Variants in COPG2 observed in about 807,000 individuals in gnomAD.
COPG2 encodes coatomer subunit gamma-2.
COPG2 carries 37 observed loss-of-function variants against 46.3 expected under a neutral mutation model. That is an observed-to-expected ratio of 0.80 (90% confidence interval 0.61 to 1.05). The LOEUF (loss-of-function observed/expected upper bound fraction) is 1.05, where lower values mean the gene tolerates loss of function less well. Among genes scored for constraint, COPG2 ranks in the 50% least tolerant of loss-of-function variants. The pLI is 0.00. For missense variants in COPG2, 427 were observed against 387.8 expected (o/e 1.10, Z -0.85); for synonymous variants, 159 against 129.7 (o/e 1.23, Z -1.53).
chr7:130,548,735 G>A (rs1293737064), intron 18 of COPG2, among the ~76,000 whole-genome samples, 193 bp from the exon 19 acceptor site: 1 of 152,088 alleles, frequency 6.6e-6, no homozygotes, highest in Non-Finnish European at 1.5e-5. Context: ...GGCTAACATG[G>A]TGAAACCCCG....
chr7:130,667,203 G>A (rs532022398), intron 2 of COPG2, among the ~76,000 whole-genome samples: 1 of 152,160 alleles, frequency 6.6e-6, no homozygotes, highest in Non-Finnish European at 1.5e-5. Context: ...AATACAATGA[G>A]ATTAATACAG....
chr7:130,522,032 CA>C (rs1205953346), intron 20 of COPG2, among the ~76,000 whole-genome samples: 5 of 152,040 alleles, frequency 3.3e-5, no homozygotes, highest in African/African-American at 9.7e-5. Context: ...TGAGCTGAGA[CA>C]GGGGAAAGGG....
At chr7:130,525,198 C>G (rs1304420481) in intron 20 of COPG2, among the ~76,000 whole-genome samples, 3 of 152,250 alleles carry the variant, frequency 2.0e-5, no homozygotes, top group South Asian at 4.1e-4. Flanking sequence ...CAGGAGACAA[C>G]CTCACAAATC....
At chr7:130,639,732 C>T (rs1390651849) in intron 5 of COPG2, among the ~76,000 whole-genome samples, 2 of 152,152 alleles carry the variant, frequency 1.3e-5, no homozygotes, top group Admixed American at 6.5e-5. Flanking sequence ...AGGAATAGTC[C>T]ATACATGTAG....
Position 130,552,365 on chromosome 7 carries a change from G to C in COPG2, c.1534C>G (p.Leu512Val), listed in dbSNP as rs1320738011. The change falls in exon 15 of 24, where the codon CTC (leucine) becomes GTC (valine). Residue 512 changes from leucine to valine, a missense_variant. Physicochemically the swap from Leu to Val is conservative, Grantham distance 32. Coordinates refer to ENST00000425248, the MANE Select transcript of COPG2 (RefSeq NM_012133.6). ...NESLLPSILV[L>V]LQRCMMDTDD... ...CATTATTTAACTTACCTCTGTAAGA[G>C]TACAAGGATGCTTGGGAGAAGACTC... The C allele has an allele frequency of 2.5e-6, 1 of 398,084 alleles. No homozygotes were observed. The highest frequency in any genetic ancestry group is 4.4e-5 in the Admixed American group (1 of 22,706). The allele number at this position is 398,084 out of a possible 1,614,324, so 24.7% of individuals were successfully genotyped here. A position where few individuals can be genotyped will look rare whatever the true frequency, so the allele number is the denominator to read the frequency against.
Position 130,617,013 on chromosome 7 carries a change from T to C in COPG2, c.376A>G (p.Arg126Gly). The change falls in exon 6 of 24, where the codon AGA (arginine) becomes GGA (glycine). Residue 126 changes from arginine to glycine, a missense_variant. By Grantham distance (125) the Arg-to-Gly change is moderately radical. Coordinates refer to ENST00000425248, the MANE Select transcript of COPG2 (RefSeq NM_012133.6). The stretch of plus-strand genomic sequence containing the variant: ...ACATCGGTGATCCTGCAGAGAGCTC[T>C]GATGGCCGGGCCTCGGTATACATCT... ...KEDVYRGPAI[R>G]ALCRITDGTM... The C allele has an allele frequency of 6.2e-7, 1 of 1,611,826 alleles. No individual in the cohort carries two copies. The highest frequency in any genetic ancestry group is 8.5e-7 in the Non-Finnish European group (1 of 1,178,388).
chr7:130,535,829 T>TG (rs1799874591), intron 20 of COPG2, among the ~76,000 whole-genome samples: 2 of 151,724 alleles, frequency 1.3e-5, no homozygotes, highest in Admixed American at 1.3e-4. Context: ...TTGAGGTTGA[T>TG]GAATACAGGC....
At chr7:130,576,791 A>G (rs1182563865) in intron 9 of COPG2, among the ~76,000 whole-genome samples, 1 of 152,220 alleles carries the variant, frequency 6.6e-6, no homozygotes, top group South Asian at 2.1e-4. Context: ...GAAACAAACA[A>G]ACAAACAAAA....
intron 9 of COPG2, among the ~76,000 whole-genome samples, chr7:130,572,380 T>C (rs980472096): frequency 2.0e-5 from 3 of 152,140 alleles, no homozygotes; most frequent in Non-Finnish European, 2.9e-5. Flanking sequence ...TAACTGATTA[T>C]AGAAAACATT....
chr7:130,517,182 G>T (rs1799686458), intron 20 of COPG2, among the ~76,000 whole-genome samples: 1 of 152,160 alleles, frequency 6.6e-6, no homozygotes, highest in South Asian at 2.1e-4. Flanking sequence ...TATTGACTGG[G>T]GGGTAAAGGA....
At position 130,508,573 on chromosome 7, in the gene COPG2, C is replaced by T. The variant is rs1799542118; in HGVS notation, c.2236G>A (p.Asp746Asn). The T allele has an allele frequency of 1.3e-6, 1 of 776,006 alleles. No individual in the cohort carries two copies. The highest frequency in any genetic ancestry group is 1.7e-5 in the Admixed American group (1 of 58,350). 48.1% of individuals were successfully genotyped at this position (776,006 alleles called of 1,614,324 possible). ...CTGGGAAGACTCACCACATACTCAT[C>T]ATCATACCCATCCTCATCTGGAACT... ...TGVPDEDGYD[D>N]EYVLEDLEVT... Residue 746 changes from aspartate (D) to asparagine (N), a missense_variant, in exon 21 of 24, where the codon GAT (aspartate) becomes AAT (asparagine). By Grantham distance (23) the Asp-to-Asn change is conservative. Transcript: ENST00000425248.
chr7:130,631,167 CTTTTCTTTTTTT>C (rs1474555314), intron 5 of COPG2, among the ~76,000 whole-genome samples: 4 of 118,992 alleles, frequency 3.4e-5, no homozygotes, highest in African/African-American at 6.0e-5. Flanking sequence ...TTTTCTTTTT[CTTTTCTTTTTTT>C]TTTTTTTTTT....
chr7:130,644,917 C>T (rs1181585823), intron 5 of COPG2, among the ~76,000 whole-genome samples: 1 of 151,830 alleles, frequency 6.6e-6, no homozygotes, highest in Non-Finnish European at 1.5e-5. Flanking sequence ...CAAAAATTAG[C>T]CGGGTGTGGT....
intron 9 of COPG2, chr7:130,603,879 T>C: frequency 1.9e-6 from 1 of 518,876 alleles, no homozygotes; most frequent in Non-Finnish European, 3.9e-6. Context: ...AAAATATCAC[T>C]AATAACCTAC....
chr7:130,590,064 T>C (rs1554448587), intron 9 of COPG2, among the ~76,000 whole-genome samples: 1 of 152,236 alleles, frequency 6.6e-6, no homozygotes, highest in Non-Finnish European at 1.5e-5. Context: ...GTATTTTTCT[T>C]ATGTTTAGTT....
At chr7:130,568,960 T>C (rs1036401315) in intron 9 of COPG2, among the ~76,000 whole-genome samples, 2,495 of 152,262 alleles carry the variant, frequency 0.016, 68 homozygotes, top group African/African-American at 0.057. Flanking sequence ...TCCTGAATGA[T>C]TGTCAGGTCA....
At chr7:130,590,857 G>C (rs1463639677) in intron 9 of COPG2, among the ~76,000 whole-genome samples, 1 of 151,688 alleles carries the variant, frequency 6.6e-6, no homozygotes, top group African/African-American at 2.4e-5. Context: ...GAGCGTCTCT[G>C]CCCAGCCGCC....
Position 130,584,705 on chromosome 7 carries a change from T to C in COPG2, c.738-20312A>G, listed in dbSNP as rs1490354967. On this transcript the variant is annotated intron_variant, in intron 9 of 23. Coordinates refer to ENST00000425248, the MANE Select transcript of COPG2 (RefSeq NM_012133.6). ...ATCAAATCAAGAACTCAACCCCTTT[T>C]ACAATAGCTGCAAAAAAAATAAAAT... Among the ~76,000 whole-genome samples, 3 of 152,060 alleles carry C rather than the reference T, an allele frequency of 2.0e-5. No homozygotes were observed. In the East Asian group the frequency reaches 5.8e-4, roughly 29 times the overall value.
intron 10 of COPG2, among the ~76,000 whole-genome samples, chr7:130,564,005 T>G (rs1039037204): frequency 2.2e-4 from 33 of 152,066 alleles, no homozygotes; most frequent in Non-Finnish European, 4.0e-4. Context: ...AATAAAGAAC[T>G]ATTATTAATA....
Sources: gnomAD v4.1 joint callset for allele counts (sites outside exome capture counted in the v4.1 genomes callset) on GRCh38, gnomAD v4.1.1 for gene constraint, MANE v1.5 for transcripts, NCBI Gene and HGNC (gene_info 2026-07-23, HGNC 2026-07-21) for gene names.